PAX5: variants seen among roughly 807,000 people sequenced by gnomAD.
PAX5 encodes paired box 5, also known as paired box protein Pax-5.
Under a neutral mutation model 43.7 loss-of-function variants are expected in PAX5, and 9 were observed. The ratio of observed to expected loss-of-function variants is 0.21; its 90% CI spans 0.12 to 0.36. The LOEUF (loss-of-function observed/expected upper bound fraction) is 0.36, where lower values mean the gene tolerates loss of function less well. Among genes scored for constraint, PAX5 ranks in the 10% least tolerant of loss-of-function variants. The probability of loss-of-function intolerance (pLI) is 1.00; values close to 1 mark genes in which losing one functional copy is unlikely to be tolerated. For synonymous variants in PAX5, 228 were observed against 214.3 expected, an observed-to-expected ratio of 1.06 and a Z score of -0.56; for missense variants, 383 against 532.7, an observed-to-expected ratio of 0.72 and a Z score of 2.77.
chr9:36,854,350 C>T (rs879482634), intron 8 of PAX5, among the ~76,000 whole-genome samples: 1 of 152,170 alleles, frequency 6.6e-6, no homozygotes, highest in African/African-American at 2.4e-5. Flanking sequence ...CGTACACATG[C>T]ATATAATGTA....
chr9:37,005,275 C>T (rs980148991), intron 4 of PAX5, among the ~76,000 whole-genome samples: 1 of 152,198 alleles, frequency 6.6e-6, no homozygotes, highest in African/African-American at 2.4e-5. Flanking sequence ...CATTATATTC[C>T]CCCTTTACCT....
intron 5 of PAX5, among the ~76,000 whole-genome samples, chr9:36,985,447 A>C (rs1429121602): frequency 1.3e-5 from 2 of 152,232 alleles, no homozygotes; most frequent in East Asian, 3.8e-4. Context: ...AAGAGATCGC[A>C]AAGAAGAGAG....
intron 5 of PAX5, among the ~76,000 whole-genome samples, chr9:36,973,088 A>T (rs12379862): frequency 1.1e-5 from 1 of 87,862 alleles, no homozygotes; most frequent in African/African-American, 4.8e-5. Context: ...CGGAACGGAA[A>T]GGAAAGGAAA....
chr9:36,984,457 T>TTTTTTG (rs1836220995), intron 5 of PAX5, among the ~76,000 whole-genome samples: 1 of 144,740 alleles, frequency 6.9e-6, no homozygotes, highest in Non-Finnish European at 1.5e-5. Context: ...TTTTTTTTTT[T>TTTTTTG]GAGATGGAGT....
chr9:36,870,189 C>T (rs757475324), intron 8 of PAX5, among the ~76,000 whole-genome samples: 1 of 151,888 alleles, frequency 6.6e-6, no homozygotes, highest in Non-Finnish European at 1.5e-5. Context: ...GCCACTGCAA[C>T]CTGATCAGCT....
chr9:37,032,687 G>A (rs1190115995), intron 1 of PAX5, among the ~76,000 whole-genome samples: 1 of 152,210 alleles, frequency 6.6e-6, no homozygotes, highest in East Asian at 1.9e-4. Context: ...GGGGGAAGGG[G>A]GCTTCTTGCC....
Position 37,015,277 on chromosome 9 carries a change from A to G in PAX5, c.213-83T>C, listed in dbSNP as rs962143015. 4.7e-6 allele frequency: 6 copies of G among 1,269,078 alleles called. No individual in the cohort carries two copies. In the African/African-American group the frequency reaches 8.8e-5, roughly 19 times the overall value. 78.6% of individuals were successfully genotyped at this position (1,269,078 alleles called of 1,614,324 possible). On this transcript the variant is annotated intron_variant, in intron 2 of 9. Coordinates refer to ENST00000358127, the MANE Select transcript of PAX5 (RefSeq NM_016734.3). This position sits in a 1 kb window ranked among gnomAD's most constrained non-coding sequence, Gnocchi z 4.4. ...AACAAAATAACGGGCTACTCTGGCCAGGAAACGTCCGGATCTGCACGTTCC... is the reference window on the plus strand; with the variant it reads ...AACAAAATAACGGGCTACTCTGGCCGGGAAACGTCCGGATCTGCACGTTCC...
At chr9:36,884,750 C>A (rs776303549) in intron 7 of PAX5, among the ~76,000 whole-genome samples, 32 of 152,282 alleles carry the variant, frequency 2.1e-4, no homozygotes, top group Non-Finnish European at 3.8e-4. Context: ...AGAAAATTGG[C>A]TCATCTCCTA....
chr9:36,864,114 GC>G (rs765036928), intron 8 of PAX5: 4 of 150,326 alleles, frequency 2.7e-5, no homozygotes, highest in Middle Eastern at 1.3e-3. Context: ...GTCTCCCCCC[GC>G]CCCCCCAATA....
At chr9:36,859,027 G>T (rs1247122399) in intron 8 of PAX5, among the ~76,000 whole-genome samples, 2 of 152,158 alleles carry the variant, frequency 1.3e-5, no homozygotes, top group Non-Finnish European at 2.9e-5. Context: ...TCTGCGAGGA[G>T]ACCAGACAAG....
intron 7 of PAX5, among the ~76,000 whole-genome samples, chr9:36,883,898 G>T (rs914668514): frequency 5.3e-5 from 8 of 151,828 alleles, no homozygotes; most frequent in African/African-American, 9.7e-5. Context: ...TCAACAAAAG[G>T]TACAATTTTC....
intron 6 of PAX5, among the ~76,000 whole-genome samples, chr9:36,955,123 G>T (rs1475170145): frequency 1.3e-5 from 2 of 151,654 alleles, no homozygotes; most frequent in African/African-American, 4.8e-5. Context: ...TTTTATAATG[G>T]TTTCTAGTCT....
chr9:36,995,088 A>G (rs1837281819), intron 5 of PAX5, among the ~76,000 whole-genome samples: 1 of 152,226 alleles, frequency 6.6e-6, no homozygotes. Context: ...CTGCCCTTGG[A>G]AAGCCCCAGC....
In PAX5 at chr9:36,835,662, T is replaced by A. The variant is rs1821590073; in HGVS notation, c.*4898A>T. ...ATGCATTTTATTACCTTTTAAGAAA[T>A]GTACTTGCCTCGGACCTCTCCGAGG... On this transcript the variant is annotated 3_prime_UTR_variant, in exon 10 of 10. Transcript: ENST00000358127. 1.3e-5 allele frequency: 3 copies of A among 233,116 alleles called. No individual in the cohort carries two copies. The allele number at this position is 233,116 out of a possible 1,614,324, so 14.4% of individuals were successfully genotyped here.
intron 8 of PAX5, among the ~76,000 whole-genome samples, chr9:36,859,623 G>T (rs548532996): frequency 6.6e-6 from 1 of 152,100 alleles, no homozygotes; most frequent in South Asian, 2.1e-4. Context: ...CACTGTGTCC[G>T]CAAATTCCTG....
At chr9:36,945,550 T>C (rs1192622104) in intron 6 of PAX5, among the ~76,000 whole-genome samples, 1 of 152,256 alleles carries the variant, frequency 6.6e-6, no homozygotes, top group African/African-American at 2.4e-5. Context: ...CCTTCCAAGA[T>C]GACATCTATG....
chr9:37,008,226 G>A (rs1564071498), intron 3 of PAX5, among the ~76,000 whole-genome samples: 1 of 152,016 alleles, frequency 6.6e-6, no homozygotes, highest in Non-Finnish European at 1.5e-5. Context: ...CCTAATTTTT[G>A]TATTTTTAGT....
At chr9:36,907,502 G>A (rs1828922298) in intron 7 of PAX5, among the ~76,000 whole-genome samples, 1 of 152,040 alleles carries the variant, frequency 6.6e-6, no homozygotes, top group African/African-American at 2.4e-5. Context: ...GCCCTTCTTG[G>A]GCCTGTTCAC....
chr9:36,999,756 C>A (rs12002007), intron 5 of PAX5, among the ~76,000 whole-genome samples: 7 of 152,084 alleles, frequency 4.6e-5, no homozygotes, highest in Non-Finnish European at 1.0e-4. Context: ...ATGGGCCAGC[C>A]GGCCAGTGTG....
Sources: gnomAD v4.1 joint callset for allele counts (sites outside exome capture counted in the v4.1 genomes callset) on GRCh38, gnomAD v4.1.1 for gene constraint, Gnocchi (gnomAD v3.1) non-coding constraint, MANE v1.5 for transcripts, NCBI Gene and HGNC (gene_info 2026-07-23, HGNC 2026-07-21) for gene names.